JAZF1: variants seen among roughly 807,000 people sequenced by gnomAD.
JAZF1 encodes juxtaposed with another zinc finger protein 1.
A neutral mutation model predicts 26.4 loss-of-function variants in JAZF1; 8 were observed. That is an observed-to-expected ratio of 0.30 (90% CI 0.18 to 0.55). The LOEUF is 0.55. Ranked by LOEUF, JAZF1 falls within the 20% of genes least tolerant of loss-of-function variation. JAZF1 has a pLI of 0.94. For synonymous variants in JAZF1, 126 were observed against 122.3 expected (o/e 1.03, Z -0.20); for missense variants, 199 against 322.0 (o/e 0.62, Z 2.92).
chr7:27,866,996 T>C (rs1783484396), intron 3 of JAZF1, among the ~76,000 whole-genome samples: 1 of 152,204 alleles, frequency 6.6e-6, no homozygotes, highest in Admixed American at 6.5e-5. Flanking sequence ...ACATGACTTC[T>C]GAAGGCAGTG....
At chr7:28,026,871 T>C (rs1481129405) in intron 1 of JAZF1, among the ~76,000 whole-genome samples, 1 of 152,228 alleles carries the variant, frequency 6.6e-6, no homozygotes, top group East Asian at 1.9e-4. Context: ...CCACAGAACT[T>C]ACTGCACCGC....
At chr7:28,111,392 T>C (rs562113377) in intron 1 of JAZF1, among the ~76,000 whole-genome samples, 1 of 152,368 alleles carries the variant, frequency 6.6e-6, no homozygotes, top group South Asian at 2.1e-4. Context: ...TGTTACATTT[T>C]ATTTATGTGT....
intron 2 of JAZF1, among the ~76,000 whole-genome samples, chr7:27,979,016 C>T (rs1274337725): frequency 1.3e-5 from 2 of 151,992 alleles, no homozygotes; most frequent in Non-Finnish European, 2.9e-5. Context: ...TTAGAATTTG[C>T]TATCTAATGT....
chr7:28,011,320 T>C (rs1334850031), intron 1 of JAZF1, among the ~76,000 whole-genome samples: 7 of 152,244 alleles, frequency 4.6e-5, no homozygotes, highest in Admixed American at 3.3e-4. Context: ...TGACTTCTAA[T>C]GAAGTCTAGG....
intron 2 of JAZF1, among the ~76,000 whole-genome samples, chr7:27,967,105 T>C (rs1487757840): frequency 2.0e-5 from 3 of 152,202 alleles, no homozygotes; most frequent in Non-Finnish European, 4.4e-5. Flanking sequence ...TACACATATG[T>C]ATCCCAGACA....
chr7:28,165,219 C>T (rs1783350382), intron 1 of JAZF1, among the ~76,000 whole-genome samples: 1 of 151,972 alleles, frequency 6.6e-6, no homozygotes, highest in Admixed American at 6.6e-5. Context: ...TTTTTCATTC[C>T]CACTTCCAAA....
At chr7:27,838,266 G>A (rs192242868) in intron 4 of JAZF1, among the ~76,000 whole-genome samples, 2 of 152,048 alleles carry the variant, frequency 1.3e-5, no homozygotes, top group Non-Finnish European at 2.9e-5. Context: ...TGATGACTGA[G>A]GAAAACATTA....
intron 1 of JAZF1, among the ~76,000 whole-genome samples, chr7:28,130,902 A>G (rs1269660010): frequency 2.0e-5 from 3 of 152,214 alleles, no homozygotes; most frequent in Non-Finnish European, 4.4e-5. Flanking sequence ...TAATCTTTCA[A>G]TATTTGGCCT....
rs779356525 is a variant in JAZF1 at position 27,896,197 on chromosome 7, AG to A, written c.189-782del. Reference sequence around the variant, plus strand: ...CTGATAGTTTCACTTTGGAAACTTCAGTTATTCTTCCAGTGCTTCTCTGATG... The same window carrying A: ...CTGATAGTTTCACTTTGGAAACTTCATTATTCTTCCAGTGCTTCTCTGATG... On this transcript the variant is annotated intron_variant, in intron 2 of 4. Transcript: ENST00000283928. Among the ~76,000 whole-genome samples the A allele has an allele frequency of 1.9e-3, 293 of 152,324 alleles. 1 individual carries two copies. Among genetic ancestry groups the A allele is most frequent in the Non-Finnish European group, 2.6e-3 (175 of 68,018 alleles).
rs142378529 is a variant in JAZF1, at chr7:27,979,737, C to T, written c.188+12172G>A. 2.6e-3 allele frequency among the ~76,000 whole-genome samples: 390 copies of T among 152,242 alleles called. 2 individuals are homozygous for T. The highest frequency in any genetic ancestry group is 4.7e-3 in the Non-Finnish European group (320 of 68,022). On this transcript the variant is annotated intron_variant, in intron 2 of 4. Transcript: ENST00000283928. ...AGCTCCCCGAATCCCCTGCCTCTCC[C>T]CTATCCCCTGCCTCATTGGTGAGTC...
Position 28,180,588 on chromosome 7 carries a change from C to T in JAZF1, c.-11G>A. 1 of 1,594,030 alleles carries T rather than the reference C, an allele frequency of 6.3e-7. No homozygotes were observed. Among genetic ancestry groups the T allele is most frequent in the Non-Finnish European group, 8.6e-7 (1 of 1,169,158 alleles). On this transcript the variant is annotated 5_prime_UTR_variant, in exon 1 of 5. Coordinates refer to ENST00000283928, the MANE Select transcript of JAZF1 (RefSeq NM_175061.4). ...GGCGATGCCTGTCATGGTGCTACAT[C>T]GAGAGCCCCCCTGGTGTCGGCTCTG...
At chr7:28,018,602 A>G (rs1782942386) in intron 1 of JAZF1, among the ~76,000 whole-genome samples, 1 of 152,160 alleles carries the variant, frequency 6.6e-6, no homozygotes, top group African/African-American at 2.4e-5. Flanking sequence ...TCCTATCCAG[A>G]ACCCATTATT....
chr7:27,880,543 G>T (rs1015274331), intron 3 of JAZF1, among the ~76,000 whole-genome samples: 3 of 152,082 alleles, frequency 2.0e-5, no homozygotes, highest in Non-Finnish European at 4.4e-5. Flanking sequence ...TGAGGCAGGA[G>T]AATTGCTTGA....
chr7:27,968,620 A>AT lies in JAZF1; in HGVS notation c.188+23288dup, dbSNP rs1374136593. Among the ~76,000 whole-genome samples the AT allele has an allele frequency of 3.3e-4, 51 of 152,362 alleles. 1 individual carries two copies. Among genetic ancestry groups the AT allele is most frequent in the African/African-American group, 1.2e-3 (51 of 41,594 alleles). On this transcript the variant is annotated intron_variant, in intron 2 of 4. Coordinates refer to ENST00000283928, the MANE Select transcript of JAZF1 (RefSeq NM_175061.4). ...TTTATGCCAAACACCAGAAAGTGCT[A>AT]TTTTCAAAAACAGTAAATAAGTTAA...
intron 1 of JAZF1, among the ~76,000 whole-genome samples, chr7:28,128,197 T>C (rs1263532098): frequency 6.6e-6 from 1 of 151,984 alleles, no homozygotes; most frequent in Non-Finnish European, 1.5e-5. Flanking sequence ...GTCCCTAGAG[T>C]AGCAGCTGAT....
chr7:28,125,146 CTT>C (rs35830575), intron 1 of JAZF1, among the ~76,000 whole-genome samples: 14 of 136,142 alleles, frequency 1.0e-4, no homozygotes, highest in South Asian at 7.2e-4. Flanking sequence ...GGGAAGATTG[CTT>C]TTTTTTTTTT....
chr7:27,957,905 G>A (rs934085460), intron 2 of JAZF1, among the ~76,000 whole-genome samples: 2 of 152,024 alleles, frequency 1.3e-5, no homozygotes, highest in African/African-American at 2.4e-5. Flanking sequence ...CATATCTAAC[G>A]TGCCCACCAG....
At chr7:28,147,753 A>T (rs1783050424) in intron 1 of JAZF1, among the ~76,000 whole-genome samples, 1 of 151,624 alleles carries the variant, frequency 6.6e-6, no homozygotes, top group East Asian at 1.9e-4. Flanking sequence ...GTGTTGACAC[A>T]TACCTGTAGT....
At chr7:27,998,577 T>C (rs1280468082) in intron 1 of JAZF1, among the ~76,000 whole-genome samples, 6 of 152,214 alleles carry the variant, frequency 3.9e-5, no homozygotes. Context: ...TAATTTCCAT[T>C]ACAGGGAAGT....
Sources: gnomAD v4.1 joint callset for allele counts (sites outside exome capture counted in the v4.1 genomes callset) on GRCh38, gnomAD v4.1.1 for gene constraint, MANE v1.5 for transcripts, NCBI Gene and HGNC (gene_info 2026-07-23, HGNC 2026-07-21) for gene names.